The following ILDR1 variants were observed in gnomAD, a reference collection of about 807,000 sequenced individuals.
ILDR1 encodes the protein immunoglobulin-like domain-containing receptor 1.
In ILDR1, 56 loss-of-function variants were observed where a neutral mutation model predicts 62.4. The ratio of observed to expected loss-of-function variants is 0.90; its 90% confidence interval spans 0.72 to 1.12. ILDR1 has a LOEUF of 1.12. ILDR1 is among the 50% of genes most tolerant of loss of function. The probability of loss-of-function intolerance (pLI) is 0.00; values close to 1 mark genes in which losing one functional copy is unlikely to be tolerated. For synonymous variants in ILDR1, 284 were observed against 277.8 expected (o/e 1.02, Z -0.22); for missense variants, 736 against 710.6 (o/e 1.04, Z -0.41).
intron 5 of ILDR1, among the ~76,000 whole-genome samples, chr3:121,998,026 C>T (rs926439815): frequency 1.3e-5 from 2 of 152,138 alleles, no homozygotes; most frequent in Admixed American, 1.3e-4. Context: ...TTGAAGCTTC[C>T]TTCTGCATCT....
chr3:121,994,280 T>C lies in ILDR1; in HGVS notation c.680A>G (p.Gln227Arg). 6.5e-7 allele frequency: 1 copy of C among 1,535,930 alleles called. No homozygotes were observed. Among genetic ancestry groups the C allele is most frequent in the East Asian group, 2.4e-5 (1 of 40,914 alleles). The change falls in exon 6 of 8, where the codon CAG (glutamine) becomes CGG (arginine). Residue 227 changes from glutamine (Q) to arginine (R), a missense_variant. Coordinates refer to ENST00000344209, the MANE Select transcript of ILDR1 (RefSeq NM_001199799.2). The stretch of plus-strand genomic sequence containing the variant: ...TCCCATCATCTGAGGACCTAGGGCC[T>C]GGGCCTGCTTCATGTAGCGGTGGCG... The part of the protein sequence containing the change: ...LARHRYMKQA[Q>R]ALGPQMMGKP...
the ILDR1 span, among the ~76,000 whole-genome samples, chr3:122,046,988 A>C: frequency 6.9e-6 from 1 of 144,104 alleles, no homozygotes; most frequent in African/African-American, 2.6e-5. Flanking sequence ...GGAGGAGGAG[A>C]GGCGCTCTGC....
intron 7 of ILDR1, among the ~76,000 whole-genome samples, chr3:121,992,075 A>G (rs2071356803): frequency 6.6e-6 from 1 of 152,232 alleles, no homozygotes; most frequent in South Asian, 2.1e-4. Context: ...GTTTTTGAGC[A>G]ATGGCAACAT....
intron 7 of ILDR1, 105 bp downstream of exon 7, chr3:121,993,045 C>A (rs2071372934): frequency 4.2e-6 from 4 of 946,012 alleles, no homozygotes; most frequent in East Asian, 2.6e-5. Flanking sequence ...GGAGGAGGCA[C>A]CCTCTGTGGT....
At chr3:122,059,211 T>C in the ILDR1 span, among the ~76,000 whole-genome samples, 1 of 152,022 alleles carries the variant, frequency 6.6e-6, no homozygotes, top group African/African-American at 2.4e-5. Context: ...ATAAGTATGG[T>C]TGACAGTTGA....
At chr3:122,025,254 T>C (rs1248841818), upstream of ILDR1, 1 of 152,352 alleles carries the variant, frequency 6.6e-6, no homozygotes, top group African/African-American at 2.4e-5. Flanking sequence ...GTTCCATCTG[T>C]AGCTGACTGG....
chr3:121,999,659 A>G (rs2071488114), intron 5 of ILDR1, among the ~76,000 whole-genome samples: 1 of 152,194 alleles, frequency 6.6e-6, no homozygotes, highest in African/African-American at 2.4e-5. Context: ...GAGATAAGAA[A>G]TACAAATAAA....
chr3:122,047,409 C>T, the ILDR1 span, among the ~76,000 whole-genome samples: 1 of 152,380 alleles, frequency 6.6e-6, no homozygotes, highest in East Asian at 1.9e-4. Flanking sequence ...CCTACAGAGA[C>T]AGGCAGGCCT....
intron 1 of ILDR1, among the ~76,000 whole-genome samples, chr3:122,019,858 C>A (rs972467847): frequency 6.6e-6 from 1 of 152,216 alleles, no homozygotes; most frequent in Admixed American, 6.5e-5. Flanking sequence ...TGAACACACT[C>A]TAGTACAGGG....
At chr3:122,052,039 T>C in the ILDR1 span, among the ~76,000 whole-genome samples, 1 of 152,160 alleles carries the variant, frequency 6.6e-6, no homozygotes, top group East Asian at 1.9e-4. Flanking sequence ...TCTTCTAGAG[T>C]ATGTTAGACC....
At chr3:122,005,536 C>A in intron 2 of ILDR1, 143 bp from the exon 3 acceptor site, 1 of 803,010 alleles carries the variant, frequency 1.2e-6, no homozygotes, top group Non-Finnish European at 2.0e-6. Flanking sequence ...TCTTGTTAAT[C>A]ACGAAGATCC....
the ILDR1 span, among the ~76,000 whole-genome samples, chr3:122,045,494 A>G: frequency 3.3e-5 from 5 of 152,074 alleles, no homozygotes; most frequent in Admixed American, 3.3e-4. Flanking sequence ...TGTCTGGTTG[A>G]TCTGTCTAAT....
chr3:122,039,505 G>T, the ILDR1 span, among the ~76,000 whole-genome samples: 6 of 152,050 alleles, frequency 3.9e-5, no homozygotes, highest in Non-Finnish European at 8.8e-5. Flanking sequence ...CTGTAAGAAA[G>T]AAAACTGTTG....
the ILDR1 span, among the ~76,000 whole-genome samples, chr3:122,054,650 T>C: frequency 6.6e-6 from 1 of 152,206 alleles, no homozygotes; most frequent in Admixed American, 6.5e-5. Context: ...GAGAATCGAT[T>C]TTCATAACTT....
the ILDR1 span, among the ~76,000 whole-genome samples, chr3:122,031,842 T>C: frequency 1.3e-5 from 2 of 152,208 alleles, no homozygotes; most frequent in Non-Finnish European, 2.9e-5. Context: ...CCAAATGCAA[T>C]AGGACACCAA....
At chr3:121,994,082 T>G (rs2071400997) in intron 6 of ILDR1, 100 bp downstream of exon 6, 2 of 1,502,348 alleles carry the variant, frequency 1.3e-6, no homozygotes, top group Admixed American at 3.9e-5. Flanking sequence ...ATCTCCATCA[T>G]GAAGATGCCT....
chr3:122,021,273 C>T (rs539263887), intron 1 of ILDR1, among the ~76,000 whole-genome samples: 1 of 152,298 alleles, frequency 6.6e-6, no homozygotes, highest in African/African-American at 2.4e-5. Context: ...CTGAAAGAGC[C>T]TGCCCATTCT....
chr3:121,993,923 T>C lies in ILDR1; in HGVS notation c.826A>G (p.Thr276Ala), dbSNP rs779600354. The change falls in exon 7 of 8, where the codon ACC (threonine) becomes GCC (alanine). Residue 276 changes from threonine (T) to alanine (A), a missense_variant. Physicochemically the swap from Thr to Ala is moderately conservative, Grantham distance 58. Transcript: ENST00000344209. ...CCATTGGCGATGGGAGGCTGATTGGTGGTCTGGGTCATTGGCATCTGCGGG... is the reference window on the plus strand; with the variant it reads ...CCATTGGCGATGGGAGGCTGATTGGCGGTCTGGGTCATTGGCATCTGCGGG... The part of the protein sequence containing the change: ...SLPQMPMTQT[T>A]NQPPIANGVL... 2.5e-5 allele frequency: 40 copies of C among 1,613,406 alleles called. 1 individual carries two copies. In the South Asian group the frequency reaches 4.4e-4, roughly 18 times the overall value.
At chr3:122,019,133 T>A (rs1353862282) in intron 1 of ILDR1, among the ~76,000 whole-genome samples, 1 of 152,202 alleles carries the variant, frequency 6.6e-6, no homozygotes, top group Non-Finnish European at 1.5e-5. Flanking sequence ...CACTAAACTT[T>A]CATTCTGAGA....
Sources: gnomAD v4.1 joint callset for allele counts (sites outside exome capture counted in the v4.1 genomes callset) on GRCh38, gnomAD v4.1.1 for gene constraint, MANE v1.5 for transcripts, NCBI Gene and HGNC (gene_info 2026-07-23, HGNC 2026-07-21) for gene names.